Variants in ADAMTSL1 observed in about 807,000 individuals in gnomAD.
ADAMTSL1 encodes ADAMTS like 1.
A neutral mutation model predicts 201.8 loss-of-function variants in ADAMTSL1; 126 were observed. The ratio of observed to expected loss-of-function variants is 0.62; its 90% CI spans 0.54 to 0.72. The LOEUF (loss-of-function observed/expected upper bound fraction) is 0.72, where lower values mean the gene tolerates loss of function less well. ADAMTSL1 is among the 30% of genes least tolerant of loss of function. The pLI is 0.00. For missense variants in ADAMTSL1, 2,679 were observed against 2,277.8 expected (o/e 1.18, Z -3.59); for synonymous variants, 1,121 against 903.4 (o/e 1.24, Z -4.32).
intron 2 of ADAMTSL1, among the ~76,000 whole-genome samples, chr9:18,223,133 T>G (rs754860370): frequency 7.2e-5 from 11 of 152,104 alleles, no homozygotes; most frequent in Non-Finnish European, 1.2e-4. Flanking sequence ...AAAATCTGCT[T>G]CTTCTTCATT....
intron 1 of ADAMTSL1, among the ~76,000 whole-genome samples, chr9:18,005,115 A>G (rs189443605): frequency 6.6e-6 from 1 of 152,116 alleles, no homozygotes; most frequent in African/African-American, 2.4e-5. Flanking sequence ...GAGGGCGAAG[A>G]TTCAAGAGCA....
At chr9:18,787,826 T>C (rs1421786771) in intron 19 of ADAMTSL1, among the ~76,000 whole-genome samples, 2 of 152,166 alleles carry the variant, frequency 1.3e-5, no homozygotes, top group Admixed American at 1.3e-4. Context: ...CCCCTATCCC[T>C]AGTGGATAGG....
intron 1 of ADAMTSL1, among the ~76,000 whole-genome samples, chr9:18,480,426 A>G (rs1308849676): frequency 6.6e-6 from 1 of 151,996 alleles, no homozygotes; most frequent in Non-Finnish European, 1.5e-5. Context: ...AAACTTCATG[A>G]CTCTAAGGAA....
chr9:18,453,851 G>A (rs1223899774), intron 2 of ADAMTSL1, among the ~76,000 whole-genome samples: 1 of 152,140 alleles, frequency 6.6e-6, no homozygotes, highest in Non-Finnish European at 1.5e-5. Flanking sequence ...AGAGTCCTTA[G>A]CATTTTTTGA....
chr9:18,590,894 C>G (rs1823870027), intron 4 of ADAMTSL1, among the ~76,000 whole-genome samples: 1 of 152,018 alleles, frequency 6.6e-6, no homozygotes, highest in Admixed American at 6.6e-5. Context: ...AAAAAAGATA[C>G]TTGATATAAT....
chr9:17,998,326 A>G (rs891698335), intron 1 of ADAMTSL1, among the ~76,000 whole-genome samples: 12 of 152,062 alleles, frequency 7.9e-5, no homozygotes, highest in African/African-American at 2.9e-4. Flanking sequence ...AGAATATGGC[A>G]AGTGTACATG....
chr9:18,583,794 G>A (rs982036398), intron 4 of ADAMTSL1, among the ~76,000 whole-genome samples: 1 of 152,168 alleles, frequency 6.6e-6, no homozygotes, highest in African/African-American at 2.4e-5. Context: ...ATCACTTTGG[G>A]GCTTTAAGAT....
rs191873874 is a variant in ADAMTSL1, at chr9:18,039,119, T to C, written c.88-124743T>C. Among the ~76,000 whole-genome samples the C allele has an allele frequency of 7.9e-4, 120 of 152,292 alleles. 4 individuals carry two copies. The South Asian group carries it at 0.012, about 15-fold the overall frequency. ...TAACACCAGCTGAGAAAGAACTTTA[T>C]AGAAAAAACATGACACTAAATAGTT... On this transcript the variant is annotated intron_variant, in intron 1 of 29. Transcript: ENST00000680146.
intron 2 of ADAMTSL1, among the ~76,000 whole-genome samples, chr9:18,526,799 CTG>C (rs1564019618): frequency 1.3e-5 from 2 of 152,158 alleles, no homozygotes; most frequent in African/African-American, 4.8e-5. Flanking sequence ...ACAGGAGAAA[CTG>C]TGTTCCAGTA....
intron 2 of ADAMTSL1, among the ~76,000 whole-genome samples, chr9:18,349,642 G>A (rs1835876489): frequency 6.6e-6 from 1 of 152,132 alleles, no homozygotes; most frequent in African/African-American, 2.4e-5. Flanking sequence ...TAGTTTCCCT[G>A]AATCCTCTAC....
chr9:18,024,237 T>C (rs1278717158), intron 1 of ADAMTSL1, among the ~76,000 whole-genome samples: 2 of 152,076 alleles, frequency 1.3e-5, no homozygotes, highest in African/African-American at 2.4e-5. Context: ...AAAAGGAAAA[T>C]AGTGTTTTAT....
At chr9:18,906,176 G>C (rs1487407122) in intron 27 of ADAMTSL1, among the ~76,000 whole-genome samples, 1 of 152,214 alleles carries the variant, frequency 6.6e-6, no homozygotes, top group East Asian at 1.9e-4. Context: ...ACCTGCACTA[G>C]CCCCAGGGTG....
At chr9:18,150,982 A>AAACTTCT (rs1826883566) in intron 1 of ADAMTSL1, among the ~76,000 whole-genome samples, 1 of 151,946 alleles carries the variant, frequency 6.6e-6, no homozygotes, top group African/African-American at 2.4e-5. Context: ...TGGGATCCCC[A>AAACTTCT]GTGGAGAATG....
chr9:18,504,087 G>A (rs997036482), intron 1 of ADAMTSL1, among the ~76,000 whole-genome samples: 7 of 151,868 alleles, frequency 4.6e-5, no homozygotes, highest in Admixed American at 4.6e-4. Context: ...CTTGTTCAAG[G>A]ACTCGTAATA....
At chr9:18,576,486 C>G (rs1056280050) in intron 4 of ADAMTSL1, among the ~76,000 whole-genome samples, 19 of 152,220 alleles carry the variant, frequency 1.2e-4, no homozygotes, top group Non-Finnish European at 2.2e-4. Context: ...TCAAGTATAC[C>G]TGTTTAATAC....
intron 2 of ADAMTSL1, among the ~76,000 whole-genome samples, chr9:18,191,848 G>A (rs995648842): frequency 6.6e-6 from 1 of 152,192 alleles, no homozygotes; most frequent in Admixed American, 6.5e-5. Flanking sequence ...ATTTCATGAA[G>A]TTACAATACA....
rs1347343498 is a variant in ADAMTSL1 at position 18,344,659 on chromosome 9, G to C, written c.208-160170G>C. ...ATGAATTGGCGGTTGTTGAATCCTAGTGTTCCCTTTGGCCATTAACATTGA... is the reference window on the plus strand; with the variant it reads ...ATGAATTGGCGGTTGTTGAATCCTACTGTTCCCTTTGGCCATTAACATTGA... On this transcript the variant is annotated intron_variant, in intron 2 of 29. Coordinates refer to the ADAMTSL1 transcript ENST00000680146. Among the ~76,000 whole-genome samples the C allele has an allele frequency of 2.6e-5, 4 of 152,114 alleles. No homozygotes were observed. In the East Asian group the frequency reaches 7.7e-4, roughly 29 times the overall value.
chr9:18,267,593 C>T (rs758625171), intron 2 of ADAMTSL1, among the ~76,000 whole-genome samples: 5 of 152,054 alleles, frequency 3.3e-5, no homozygotes, highest in East Asian at 1.9e-4. Context: ...GAGGAAAGCA[C>T]TCTACGAAAA....
chr9:18,095,186 C>G (rs531133102), intron 1 of ADAMTSL1, among the ~76,000 whole-genome samples: 1 of 152,232 alleles, frequency 6.6e-6, no homozygotes, highest in East Asian at 1.9e-4. Flanking sequence ...CAGGGGAAGT[C>G]ATCATCTTAC....
Sources: allele counts gnomAD v4.1 joint callset (sites outside exome capture counted in the v4.1 genomes callset), GRCh38; gene constraint gnomAD v4.1.1; transcripts MANE v1.5; gene names NCBI Gene and HGNC (gene_info 2026-07-23, HGNC 2026-07-21).